WARS2: variants seen among roughly 807,000 people sequenced by gnomAD.
The protein encoded by WARS2 is tryptophan--tRNA ligase, mitochondrial.
A neutral mutation model predicts 36.5 loss-of-function variants in WARS2; 28 were observed. That is an observed-to-expected ratio of 0.77 (90% CI 0.57 to 1.05). The LOEUF (loss-of-function observed/expected upper bound fraction) is 1.05, where lower values mean the gene tolerates loss of function less well. Among genes scored for constraint, WARS2 ranks in the 50% least tolerant of loss-of-function variants. WARS2 has a pLI of 0.00. For missense variants in WARS2, 435 were observed against 456.8 expected (o/e 0.95, Z 0.44); for synonymous variants, 174 against 178.4 (o/e 0.98, Z 0.20).
At chr1:119,114,532 C>T (rs1015061688) in intron 1 of WARS2, among the ~76,000 whole-genome samples, 1 of 152,112 alleles carries the variant, frequency 6.6e-6, no homozygotes, top group African/African-American at 2.4e-5. Flanking sequence ...TTTGGACCTT[C>T]CAGATAACCT....
intron 1 of WARS2, among the ~76,000 whole-genome samples, chr1:119,091,888 G>GT: frequency 6.6e-6 from 1 of 152,348 alleles, no homozygotes; most frequent in East Asian, 1.9e-4. Flanking sequence ...ACACAGCACA[G>GT]TGTCTGCCTG....
intron 3 of WARS2, among the ~76,000 whole-genome samples, chr1:119,045,007 C>T (rs374088578): frequency 3.3e-5 from 5 of 152,092 alleles, no homozygotes; most frequent in African/African-American, 1.2e-4. Flanking sequence ...TTAGTGTTGA[C>T]GTAGTTGGGG....
intron 2 of WARS2, among the ~76,000 whole-genome samples, chr1:119,059,514 T>C (rs2101203634): frequency 6.6e-6 from 1 of 152,332 alleles, no homozygotes; most frequent in Admixed American, 6.5e-5. Context: ...AGTTTCAGCT[T>C]TCTACATTTC....
chr1:119,038,461 C>T (rs1359308078), intron 4 of WARS2, among the ~76,000 whole-genome samples: 1 of 152,134 alleles, frequency 6.6e-6, no homozygotes, highest in African/African-American at 2.4e-5. Context: ...ATACAAAGCT[C>T]TCAAAAAGCT....
rs1195387182 is a variant in WARS2, at chr1:119,033,004, A to G, written c.990T>C (p.His330=). 4 of 1,614,210 alleles carry G rather than the reference A, an allele frequency of 2.5e-6. No individual in the cohort carries two copies. Among genetic ancestry groups the G allele is most frequent in the Non-Finnish European group, 3.4e-6 (4 of 1,180,028 alleles). ...ATCCAATTTGTAAAACCTTCTCTAA[A>G]TGGTCCTTGTCCAGCTTCAGTTTTT... is the stretch of plus-strand genomic sequence containing the variant. The part of the protein sequence containing the change: ...EIEKLKLDKD[H]LEKVLQIGSA... The change falls in exon 6 of 6, where the codon CAT becomes CAC. Residue 330 remains histidine (H), a synonymous_variant. Coordinates refer to ENST00000235521, the MANE Select transcript of WARS2 (RefSeq NM_015836.4).
At chr1:119,103,157 T>C (rs1299309339) in intron 1 of WARS2, among the ~76,000 whole-genome samples, 1 of 152,268 alleles carries the variant, frequency 6.6e-6, no homozygotes, top group Non-Finnish European at 1.5e-5. Flanking sequence ...TCAAGGACCA[T>C]TACTGGTCCA....
chr1:119,116,463 C>T (rs777509721), intron 1 of WARS2, among the ~76,000 whole-genome samples: 11 of 152,074 alleles, frequency 7.2e-5, no homozygotes, highest in Non-Finnish European at 7.4e-5. Flanking sequence ...CAAGAACCAT[C>T]GCAGGAATAT....
Position 119,053,460 on chromosome 1 carries a change from C to T in WARS2, c.349-7798G>A, listed in dbSNP as rs1289610165. The stretch of plus-strand genomic sequence containing the variant: ...ACTAGTACATCCCCCAAATTAGCTA[C>T]CATGACAAAAAATAAGAGAATTGAC... On this transcript the variant is annotated intron_variant, in intron 2 of 5. Coordinates refer to ENST00000235521, the MANE Select transcript of WARS2 (RefSeq NM_015836.4). Among the ~76,000 whole-genome samples, 5 of 152,196 alleles carry T rather than the reference C, an allele frequency of 3.3e-5. No homozygotes were observed. In the East Asian group the frequency reaches 9.6e-4, roughly 29 times the overall value.
At chr1:119,109,458 G>C (rs1426272322) in intron 1 of WARS2, among the ~76,000 whole-genome samples, 4 of 151,890 alleles carry the variant, frequency 2.6e-5, no homozygotes, top group African/African-American at 4.8e-5. Flanking sequence ...CTTTATCCTT[G>C]ATAACTTTCC....
Position 119,032,103 on chromosome 1 carries a change from A to G in WARS2, c.*808T>C, listed in dbSNP as rs539425977. Reference sequence around the variant, plus strand: ...TCAGATTTGCTTCTCTTATGGAGTGATATCGTACAAGCTAATTGGATTCTC... The same window carrying G: ...TCAGATTTGCTTCTCTTATGGAGTGGTATCGTACAAGCTAATTGGATTCTC... On this transcript the variant is annotated 3_prime_UTR_variant, in exon 6 of 6. Transcript: ENST00000235521. 6.6e-6 allele frequency: 1 copy of G among 152,190 alleles called. No homozygotes were observed. The highest frequency in any genetic ancestry group is 2.1e-4 in the South Asian group (1 of 4,824). The allele number at this position is 152,190 out of a possible 1,614,324, so 9.4% of individuals were successfully genotyped here.
At chr1:119,043,234 T>G (rs1298073100) in intron 3 of WARS2, among the ~76,000 whole-genome samples, 1 of 150,918 alleles carries the variant, frequency 6.6e-6, no homozygotes, top group Non-Finnish European at 1.5e-5. Flanking sequence ...TAGCATCTCT[T>G]GTAAAATAAA....
chr1:119,112,258 G>A (rs1266778978), intron 1 of WARS2, among the ~76,000 whole-genome samples: 1 of 152,138 alleles, frequency 6.6e-6, no homozygotes, highest in Non-Finnish European at 1.5e-5. Context: ...ATGAAGTGGA[G>A]ATGTCTAAAT....
At chr1:119,044,118 G>A (rs575114012) in intron 3 of WARS2, among the ~76,000 whole-genome samples, 2 of 152,258 alleles carry the variant, frequency 1.3e-5, no homozygotes, top group East Asian at 3.9e-4. Flanking sequence ...TATGACATAA[G>A]ACTCACAGAA....
chr1:119,116,090 A>G (rs1654948948), intron 1 of WARS2, among the ~76,000 whole-genome samples: 2 of 152,234 alleles, frequency 1.3e-5, no homozygotes, highest in African/African-American at 4.8e-5. Context: ...AATATGATAT[A>G]AAGTCTGCTT....
intron 2 of WARS2, among the ~76,000 whole-genome samples, chr1:119,062,495 AT>A (rs1436397785): frequency 6.6e-6 from 1 of 152,050 alleles, no homozygotes; most frequent in Non-Finnish European, 1.5e-5. Context: ...ACTTATATTC[AT>A]TTTTTAATCC....
At position 119,042,339 on chromosome 1, in the gene WARS2, G is replaced by C. The variant is rs779182677; in HGVS notation, c.440C>G (p.Thr147Ser). ...CACCGTGCCATCGTGCTTCTGCTTG[G>C]TAGTCTTTGCCTGTGAGAGGTGAAA... ...QHLHQWKAKT[T>S]KQKHDGTVGL... Residue 147 changes from threonine (T) to serine (S), a missense_variant, in exon 4 of 6, where the codon ACC becomes AGC. By Grantham distance (58) the Thr-to-Ser change is moderately conservative. Coordinates refer to ENST00000235521, the MANE Select transcript of WARS2 (RefSeq NM_015836.4). The C allele has an allele frequency of 2.5e-5, 40 of 1,613,600 alleles. No individual in the cohort carries two copies. Among genetic ancestry groups the C allele is most frequent in the Non-Finnish European group, 3.1e-5 (37 of 1,179,824 alleles).
At chr1:119,088,435 A>AACACACACAC (rs113752727) in intron 1 of WARS2, among the ~76,000 whole-genome samples, 4,662 of 149,108 alleles carry the variant, frequency 0.031, 143 homozygotes, top group African/African-American at 0.069. Context: ...GAAACACTGA[A>AACACACACAC]ACACACACAC....
chr1:119,104,651 A>G (rs1285407645), intron 1 of WARS2, among the ~76,000 whole-genome samples: 1 of 151,192 alleles, frequency 6.6e-6, no homozygotes, highest in Non-Finnish European at 1.5e-5. Context: ...GAAATAACAG[A>G]GTAATGGAGA....
Position 119,140,559 on chromosome 1 carries a change from A to G in WARS2, c.86T>C (p.Leu29Pro), listed in dbSNP as rs1656892190. 1 of 1,613,104 alleles carries G rather than the reference A, an allele frequency of 6.2e-7. No homozygotes were observed. Among genetic ancestry groups the G allele is most frequent in the Admixed American group, 1.7e-5 (1 of 59,942 alleles). ...LHKGSAAAPA[L>P]QKDSKKRVFS... The stretch of plus-strand genomic sequence containing the variant: ...GGAAGGGCCGTCTTTGGTTACCTGG[A>G]GAGCGGGAGCAGCTGCGGATCCCTT... Residue 29 changes from leucine (L) to proline (P), a missense_variant, in exon 1 of 6, where the codon CTC becomes CCC. Physicochemically the swap from Leu to Pro is moderately conservative, Grantham distance 98. Transcript: ENST00000235521.
Sources: allele counts gnomAD v4.1 joint callset (sites outside exome capture counted in the v4.1 genomes callset), GRCh38; gene constraint gnomAD v4.1.1; transcripts MANE v1.5; gene names NCBI Gene and HGNC (gene_info 2026-07-23, HGNC 2026-07-21).